FAT3: variants seen among roughly 807,000 people sequenced by gnomAD.
FAT3 encodes the protein FAT atypical cadherin 3, also known as protocadherin Fat 3.
Under a neutral mutation model 310.2 loss-of-function variants are expected in FAT3, and 95 were observed. The observed-to-expected ratio is 0.31, with a 90% CI of 0.26 to 0.36. The LOEUF (loss-of-function observed/expected upper bound fraction) is 0.36. Ranked by LOEUF, FAT3 falls within the 10% of genes least tolerant of loss-of-function variation. The pLI is 1.00. For missense variants in FAT3, 5,408 were observed against 5,715.6 expected (o/e 0.95, Z 1.74); for synonymous variants, 2,314 against 2,192.9 (o/e 1.06, Z -1.54).
In FAT3 at chr11:92,537,346, G is replaced by A. The variant is rs144623133; in HGVS notation, c.3607+12398G>A. Among the ~76,000 whole-genome samples the A allele has an allele frequency of 2.2e-3, 334 of 152,206 alleles. 2 individuals carry two copies. The highest frequency in any genetic ancestry group is 0.016 in the Admixed American group (250 of 15,274). ...ACTTGGAGAAGAGCTGAACATGAGA[G>A]GAGAAGACAGTCTCAAGGGTGTAGT... is the stretch of plus-strand genomic sequence containing the variant. On this transcript the variant is annotated intron_variant, in intron 3 of 27. Coordinates refer to ENST00000525166, the MANE Select transcript of FAT3 (RefSeq NM_001367949.2).
At chr11:92,311,062 A>G (rs1947291109) in intron 1 of FAT3, among the ~76,000 whole-genome samples, 1 of 151,816 alleles carries the variant, frequency 6.6e-6, no homozygotes, top group East Asian at 1.9e-4. Context: ...ACACACATAT[A>G]TGTGTACATA....
At chr11:92,698,161 G>A (rs1389614730) in intron 4 of FAT3, among the ~76,000 whole-genome samples, 2 of 152,140 alleles carry the variant, frequency 1.3e-5, no homozygotes, top group African/African-American at 4.8e-5. Context: ...TCAAGGCTCT[G>A]TTAAGGTTTT....
chr11:92,653,020 ATGG>A (rs768672296), intron 3 of FAT3, among the ~76,000 whole-genome samples: 26 of 152,280 alleles, frequency 1.7e-4, no homozygotes, highest in Non-Finnish European at 3.1e-4. Flanking sequence ...TTAGCTGGGC[ATGG>A]TGGCACATGC....
chr11:92,404,618 C>G (rs1172711206), intron 2 of FAT3, among the ~76,000 whole-genome samples: 1 of 151,806 alleles, frequency 6.6e-6, no homozygotes, highest in Non-Finnish European at 1.5e-5. Flanking sequence ...CCAGGTACCT[C>G]TTACTTCCCA....
chr11:92,719,223 G>T (rs946771432), intron 4 of FAT3, among the ~76,000 whole-genome samples: 3 of 152,172 alleles, frequency 2.0e-5, no homozygotes, highest in Non-Finnish European at 2.9e-5. Context: ...AGCTGGGCCA[G>T]TTAGCATTTC....
intron 3 of FAT3, among the ~76,000 whole-genome samples, chr11:92,634,849 G>A (rs1941698698): frequency 6.6e-6 from 1 of 152,114 alleles, no homozygotes; most frequent in South Asian, 2.1e-4. Flanking sequence ...AGTAATTAAG[G>A]TTTAGTGAGG....
At position 92,337,756 on chromosome 11, in the gene FAT3, A is replaced by G. The variant is rs542413554; in HGVS notation, c.-17-14340A>G. On this transcript the variant is annotated intron_variant, in intron 1 of 27. Coordinates refer to ENST00000525166, the MANE Select transcript of FAT3 (RefSeq NM_001367949.2). ...GAAAGTAGTTCTTGAAAACAATAGT[A>G]TAGTCTATTGGATTATTCAAGTTCA... 1.3e-4 allele frequency among the ~76,000 whole-genome samples: 20 copies of G among 152,344 alleles called. No individual in the cohort carries two copies. In the East Asian group the frequency reaches 2.9e-3, roughly 22 times the overall value.
intron 2 of FAT3, among the ~76,000 whole-genome samples, chr11:92,445,995 C>T (rs1565323228): frequency 6.6e-6 from 1 of 152,154 alleles, no homozygotes; most frequent in Non-Finnish European, 1.5e-5. Context: ...AAATTGGACT[C>T]TTAATTCGTT....
chr11:92,627,735 C>G (rs1941390155), intron 3 of FAT3, among the ~76,000 whole-genome samples: 1 of 152,136 alleles, frequency 6.6e-6, no homozygotes, highest in Non-Finnish European at 1.5e-5. Flanking sequence ...TGGGCAGGTT[C>G]CCTTGAAAGG....
At chr11:92,824,543 G>A (rs1948054786) in intron 13 of FAT3, among the ~76,000 whole-genome samples, 1 of 152,110 alleles carries the variant, frequency 6.6e-6, no homozygotes, top group African/African-American at 2.4e-5. Context: ...GCATTTTCGA[G>A]TGGTATGGAT....
At chr11:92,820,007 T>C (rs1451347806) in intron 13 of FAT3, among the ~76,000 whole-genome samples, 1 of 152,176 alleles carries the variant, frequency 6.6e-6, no homozygotes, top group Non-Finnish European at 1.5e-5. Flanking sequence ...TGGGCTGGAC[T>C]TACTGACTCA....
At chr11:92,757,189 G>C (rs192499299) in intron 4 of FAT3, among the ~76,000 whole-genome samples, 29 of 152,192 alleles carry the variant, frequency 1.9e-4, no homozygotes, top group African/African-American at 7.0e-4. Context: ...CTCCCAAAGT[G>C]CCAGGATTAC....
chr11:92,489,625 G>T (rs1952542640), intron 2 of FAT3, among the ~76,000 whole-genome samples: 1 of 152,076 alleles, frequency 6.6e-6, no homozygotes, highest in African/African-American at 2.4e-5. Flanking sequence ...TGCTTTTTGA[G>T]ATTTTCCTTC....
At chr11:92,673,847 AG>A (rs1943204793) in intron 3 of FAT3, among the ~76,000 whole-genome samples, 1 of 152,064 alleles carries the variant, frequency 6.6e-6, no homozygotes, top group Non-Finnish European at 1.5e-5. Flanking sequence ...GACTTCCAGG[AG>A]GATAAGATTG....
chr11:92,429,771 G>A (rs548520626), intron 2 of FAT3, among the ~76,000 whole-genome samples: 6 of 152,272 alleles, frequency 3.9e-5, no homozygotes, highest in Non-Finnish European at 7.4e-5. Context: ...GCTTCCCTTT[G>A]TGGGTAACCC....
intron 3 of FAT3, among the ~76,000 whole-genome samples, chr11:92,640,902 C>T (rs147956885): frequency 9.1e-4 from 139 of 152,192 alleles, no homozygotes; most frequent in African/African-American, 3.1e-3. Context: ...TTAGATACTA[C>T]GTGATAGAAA....
At chr11:92,315,496 TATATATATATATATATAGAGAGAG>T (rs1380249542) in intron 1 of FAT3, among the ~76,000 whole-genome samples, 1 of 89,848 alleles carries the variant, frequency 1.1e-5, no homozygotes, top group Non-Finnish European at 2.2e-5. Flanking sequence ...TATATATATA[TATATATATATATATATAGAGAGAG>T]AGAGAGAGAG....
chr11:92,793,321 G>A (rs536508555), intron 9 of FAT3, among the ~76,000 whole-genome samples: 2 of 152,098 alleles, frequency 1.3e-5, no homozygotes, highest in African/African-American at 4.8e-5. Flanking sequence ...GCCGCCCGCC[G>A]ATCATCTGAG....
intron 19 of FAT3, 39 bp from the exon 20 acceptor site, chr11:92,857,175 C>G: frequency 2.5e-6 from 4 of 1,613,636 alleles, no homozygotes; most frequent in Non-Finnish European, 3.4e-6. Flanking sequence ...GGGTGAATCC[C>G]TTTGTGTACT....
Sources: gnomAD v4.1 joint callset for allele counts (sites outside exome capture counted in the v4.1 genomes callset) on GRCh38, gnomAD v4.1.1 for gene constraint, MANE v1.5 for transcripts, NCBI Gene and HGNC (gene_info 2026-07-23, HGNC 2026-07-21) for gene names.